Variants in TRPC7 observed in about 807,000 individuals in gnomAD.
The protein encoded by TRPC7 is transient receptor potential cation channel subfamily C member 7.
In TRPC7, 42 loss-of-function variants were observed where a neutral mutation model predicts 90.1. The observed-to-expected ratio is 0.47, with a 90% CI of 0.36 to 0.60. The LOEUF (loss-of-function observed/expected upper bound fraction) is 0.60, where lower values mean the gene tolerates loss of function less well. Among genes scored for constraint, TRPC7 ranks in the 20% least tolerant of loss-of-function variants. The pLI is 0.00. For missense variants in TRPC7, 955 were observed against 1,112.3 expected (o/e 0.86, Z 2.01); for synonymous variants, 451 against 436.3 (o/e 1.03, Z -0.42).
intron 3 of TRPC7, among the ~76,000 whole-genome samples, chr5:136,293,448 G>C (rs1473661705): frequency 6.6e-6 from 1 of 152,106 alleles, no homozygotes; most frequent in Admixed American, 6.5e-5. Context: ...AAAGTCTCAG[G>C]ATACAAAATC....
At position 136,313,220 on chromosome 5, in the gene TRPC7, T is replaced by C. The variant is rs193105652; in HGVS notation, c.963+2377A>G. Among the ~76,000 whole-genome samples, 775 of 152,328 alleles carry C rather than the reference T, an allele frequency of 5.1e-3. 5 individuals are homozygous for C. Among genetic ancestry groups the C allele is most frequent in the African/African-American group, 0.018 (737 of 41,560 alleles). On this transcript the variant is annotated intron_variant, in intron 3 of 11. Transcript: ENST00000513104. ...CAAATTTATCTGAGCACAAAATCTTTTTTTTAAGGTAATACTTATTAGCAG... is the reference window on the plus strand; with the variant it reads ...CAAATTTATCTGAGCACAAAATCTTCTTTTTAAGGTAATACTTATTAGCAG...
At chr5:136,302,502 C>T (rs1003079961) in intron 3 of TRPC7, among the ~76,000 whole-genome samples, 11 of 152,062 alleles carry the variant, frequency 7.2e-5, no homozygotes, top group African/African-American at 2.7e-4. Flanking sequence ...CCCCTGAACC[C>T]CTTCCCTCCA....
intron 3 of TRPC7, among the ~76,000 whole-genome samples, chr5:136,291,188 T>C (rs2149824491): frequency 6.6e-6 from 1 of 152,264 alleles, no homozygotes; most frequent in East Asian, 1.9e-4. Context: ...TGCAAAAACA[T>C]GCCAAATTGT....
chr5:136,226,097 G>C lies in TRPC7; in HGVS notation c.2199C>G (p.Cys733Trp). ...TTTCACAGCTTTTGGCCTTAGATTT[G>C]CAGAGTTTTATGAGGCACATCTTGA... ...MRIKMCLIKL[C>W]KSKAKSCEND... The change falls in exon 9 of 12, where the codon TGC becomes TGG. Residue 733 changes from cysteine (C) to tryptophan (W), a missense_variant. Physicochemically the swap from Cys to Trp is radical, Grantham distance 215. Around this residue, in one of 4 missense-constraint regions of TRPC7, gnomAD observed 296 missense variants for 422.7 expected, o/e 0.70. Transcript: ENST00000513104. 2 of 1,604,442 alleles carry C rather than the reference G, an allele frequency of 1.2e-6. No homozygotes were observed.
At chr5:136,243,186 G>C (rs1347858980) in intron 7 of TRPC7, among the ~76,000 whole-genome samples, 1 of 152,092 alleles carries the variant, frequency 6.6e-6, no homozygotes, top group Non-Finnish European at 1.5e-5. Context: ...TGGTTTTTGT[G>C]AGCTGGCCTG....
chr5:136,260,355 T>C (rs1756817254), intron 5 of TRPC7, among the ~76,000 whole-genome samples: 1 of 152,066 alleles, frequency 6.6e-6, no homozygotes, highest in Non-Finnish European at 1.5e-5. Context: ...AGGAGGACAG[T>C]AGGGGTGGGA....
chr5:136,268,223 C>T (rs1374913382), intron 4 of TRPC7, among the ~76,000 whole-genome samples: 1 of 152,152 alleles, frequency 6.6e-6, no homozygotes, highest in Non-Finnish European at 1.5e-5. Context: ...ATCCAGGAGA[C>T]AGCCTTAGGT....
intron 5 of TRPC7, 120 bp downstream of exon 5, chr5:136,266,100 C>T: frequency 1.2e-6 from 1 of 869,566 alleles, no homozygotes; most frequent in East Asian, 2.4e-5. Flanking sequence ...TGGTCATCCA[C>T]TCACCATTTT....
chr5:136,329,190 C>G (rs899422790), intron 2 of TRPC7, among the ~76,000 whole-genome samples: 1 of 152,174 alleles, frequency 6.6e-6, no homozygotes, highest in South Asian at 2.1e-4. Context: ...AACAAGTCCC[C>G]TCTGTTAGAT....
intron 4 of TRPC7, among the ~76,000 whole-genome samples, chr5:136,269,498 A>G (rs1409548400): frequency 6.6e-6 from 1 of 152,206 alleles, no homozygotes; most frequent in African/African-American, 2.4e-5. Flanking sequence ...TCCCAGAAAT[A>G]TAGCCCTGTG....
chr5:136,295,581 T>A (rs903751335), intron 3 of TRPC7, among the ~76,000 whole-genome samples: 8 of 152,080 alleles, frequency 5.3e-5, no homozygotes, highest in African/African-American at 1.7e-4. Flanking sequence ...CCAGGCCTCC[T>A]CCAGGCTGCT....
chr5:136,245,015 G>A (rs1245605445), intron 7 of TRPC7, among the ~76,000 whole-genome samples: 2 of 152,328 alleles, frequency 1.3e-5, no homozygotes, highest in Non-Finnish European at 2.9e-5. Flanking sequence ...TTTATGCCAA[G>A]CATTGCATTT....
chr5:136,283,172 A>T (rs973627356), intron 3 of TRPC7, among the ~76,000 whole-genome samples: 4 of 152,168 alleles, frequency 2.6e-5, no homozygotes, highest in Admixed American at 2.0e-4. Flanking sequence ...TTTCTTCTGC[A>T]GTTCTGTTGA....
Position 136,213,315 on chromosome 5 carries a change from G to A in TRPC7, c.*120C>T. ...GTCATGCTGCAAGAGACTGAGCCAG[G>A]AGATCCCCTTCGTGTCCTAGAGGAG... On this transcript the variant is annotated 3_prime_UTR_variant, in exon 12 of 12. Coordinates refer to ENST00000513104, the MANE Select transcript of TRPC7 (RefSeq NM_020389.3). The A allele has an allele frequency of 9.9e-7, 1 of 1,012,884 alleles. No individual in the cohort carries two copies. The allele number at this position is 1,012,884 out of a possible 1,614,324, so 62.7% of individuals were successfully genotyped here.
intron 8 of TRPC7, 65 bp from the exon 9 acceptor site, chr5:136,226,320 G>A: frequency 8.5e-7 from 1 of 1,180,770 alleles, no homozygotes; most frequent in South Asian, 1.4e-5. Flanking sequence ...AGCCCAACCT[G>A]AGGAGCAGAG....
intron 2 of TRPC7, among the ~76,000 whole-genome samples, chr5:136,353,810 T>G (rs575636671): frequency 1.3e-5 from 2 of 152,328 alleles, no homozygotes; most frequent in Admixed American, 1.3e-4. Flanking sequence ...GTAGAAAGGA[T>G]TTTTCATCAC....
intron 3 of TRPC7, among the ~76,000 whole-genome samples, chr5:136,290,542 C>G (rs574741744): frequency 1.3e-5 from 2 of 151,918 alleles, no homozygotes; most frequent in East Asian, 3.9e-4. Context: ...AGGGTATCAG[C>G]GATGGAAGAC....
At chr5:136,352,781 C>T (rs1344039236) in intron 2 of TRPC7, among the ~76,000 whole-genome samples, 2 of 152,154 alleles carry the variant, frequency 1.3e-5, no homozygotes, top group African/African-American at 4.8e-5. Flanking sequence ...ACACACTTTG[C>T]CCTCCATACA....
chr5:136,226,519 G>T, intron 8 of TRPC7: 1 of 456,062 alleles, frequency 2.2e-6, no homozygotes, highest in Non-Finnish European at 3.9e-6. Context: ...CCCTCCACTG[G>T]GTATATTTAC....
Sources: allele counts gnomAD v4.1 joint callset (sites outside exome capture counted in the v4.1 genomes callset), GRCh38; gene constraint gnomAD v4.1.1; regional missense constraint gnomAD v4.1.1; transcripts MANE v1.5; gene names NCBI Gene and HGNC (gene_info 2026-07-23, HGNC 2026-07-21).